SOX5: variants seen among roughly 807,000 people sequenced by gnomAD.
SOX5 encodes the protein SRY-box transcription factor 5.
SOX5 carries 9 observed loss-of-function variants against 92.0 expected under a neutral mutation model. That is an observed-to-expected ratio of 0.10 (90% CI 0.06 to 0.17). The LOEUF is 0.17. SOX5 is among the 10% of genes least tolerant of loss of function. SOX5 has a pLI of 1.00. For synonymous variants in SOX5, 344 were observed against 336.3 expected (o/e 1.02, Z -0.25); for missense variants, 642 against 944.5 (o/e 0.68, Z 4.20).
chr12:24,365,391 C>T (rs561260882), intron 2 of SOX5, among the ~76,000 whole-genome samples: 2 of 152,162 alleles, frequency 1.3e-5, no homozygotes, highest in East Asian at 3.9e-4. Flanking sequence ...GTGAGAGCTA[C>T]TCTTGTCTTC....
chr12:24,223,470 C>T (rs528932635), intron 3 of SOX5: 25 of 152,286 alleles, frequency 1.6e-4, no homozygotes, highest in African/African-American at 5.5e-4. Flanking sequence ...AAAGAAGTCC[C>T]AGGCCTGGCA....
chr12:23,971,729 G>C (rs1948364942), intron 4 of SOX5, among the ~76,000 whole-genome samples: 1 of 151,814 alleles, frequency 6.6e-6, no homozygotes, highest in Non-Finnish European at 1.5e-5. Flanking sequence ...ATGTGAACTA[G>C]AGTCCCTGTT....
intron 3 of SOX5, among the ~76,000 whole-genome samples, chr12:23,782,666 C>T (rs1246545392): frequency 6.6e-5 from 10 of 152,270 alleles, no homozygotes; most frequent in African/African-American, 1.4e-4. Flanking sequence ...TCTACTAACA[C>T]GCTTATCATG....
chr12:23,620,457 C>CTA (rs2077038976), intron 8 of SOX5, among the ~76,000 whole-genome samples: 1 of 151,944 alleles, frequency 6.6e-6, no homozygotes, highest in African/African-American at 2.4e-5. Context: ...CAGAATAAAT[C>CTA]TATATATATA....
intron 1 of SOX5, among the ~76,000 whole-genome samples, chr12:23,924,738 G>A (rs1267329996): frequency 6.6e-6 from 1 of 151,810 alleles, no homozygotes; most frequent in Non-Finnish European, 1.5e-5. Flanking sequence ...GCTTCGCGTT[G>A]GTTTTTCTTA....
intron 11 of SOX5, among the ~76,000 whole-genome samples, chr12:23,562,670 T>C (rs1317020885): frequency 6.6e-6 from 1 of 152,104 alleles, no homozygotes; most frequent in Non-Finnish European, 1.5e-5. Flanking sequence ...GGGCTTGAAA[T>C]CATTGTCTCT....
chr12:24,154,341 C>T (rs1373610346), intron 4 of SOX5, among the ~76,000 whole-genome samples: 1 of 152,118 alleles, frequency 6.6e-6, no homozygotes, highest in Admixed American at 6.6e-5. Flanking sequence ...CCATTACTGA[C>T]TATTATGAAG....
At chr12:23,645,821 A>G (rs1470288977) in intron 7 of SOX5, among the ~76,000 whole-genome samples, 3 of 152,342 alleles carry the variant, frequency 2.0e-5, no homozygotes, top group Non-Finnish European at 4.4e-5. Flanking sequence ...GTATGTGTAT[A>G]AATGTATATA....
chr12:23,812,535 T>G (rs1201951075), intron 3 of SOX5, among the ~76,000 whole-genome samples: 1 of 152,194 alleles, frequency 6.6e-6, no homozygotes, highest in East Asian at 1.9e-4. Flanking sequence ...TATTAGCTAT[T>G]AGATCTCTTT....
chr12:24,498,871 C>T (rs1467886036), intron 1 of SOX5, among the ~76,000 whole-genome samples: 2 of 152,152 alleles, frequency 1.3e-5, no homozygotes, highest in South Asian at 2.1e-4. Context: ...GCTGCAGGTA[C>T]TTGACCTTCC....
chr12:24,362,157 T>A (rs1166617911), intron 2 of SOX5, among the ~76,000 whole-genome samples: 1 of 152,246 alleles, frequency 6.6e-6, no homozygotes, highest in Non-Finnish European at 1.5e-5. Flanking sequence ...TATAGAGATA[T>A]GTGCATATGT....
intron 4 of SOX5, chr12:24,212,434 A>C (rs1958728375): frequency 1.9e-6 from 1 of 534,182 alleles, no homozygotes; most frequent in Non-Finnish European, 3.8e-6. Flanking sequence ...GTTGTTCTAC[A>C]GAAGACCTGG....
At chr12:24,095,420 C>CTTAT (rs146858914) in intron 4 of SOX5, among the ~76,000 whole-genome samples, 46,912 of 139,904 alleles carry the variant, frequency 0.34, 8,669 homozygotes, top group East Asian at 0.54. Flanking sequence ...TGCCCTCTCC[C>CTTAT]TTATTTATTT....
chr12:23,758,823 T>G (rs190733662), intron 3 of SOX5, among the ~76,000 whole-genome samples: 1 of 151,942 alleles, frequency 6.6e-6, no homozygotes, highest in African/African-American at 2.4e-5. Flanking sequence ...AGGGTACAAG[T>G]TCCATCTGTC....
At chr12:24,459,571 G>A (rs1174494874) in intron 1 of SOX5, among the ~76,000 whole-genome samples, 1 of 152,066 alleles carries the variant, frequency 6.6e-6, no homozygotes, top group African/African-American at 2.4e-5. Flanking sequence ...CAATCTAAAA[G>A]GAGAGATGAG....
At chr12:23,677,183 C>G (rs979077032) in intron 6 of SOX5, among the ~76,000 whole-genome samples, 4 of 152,034 alleles carry the variant, frequency 2.6e-5, no homozygotes, top group Non-Finnish European at 4.4e-5. Flanking sequence ...GATTCAATTT[C>G]CCCCCACCCT....
At chr12:23,921,312 C>A (rs144336490) in intron 1 of SOX5, among the ~76,000 whole-genome samples, 1 of 151,708 alleles carries the variant, frequency 6.6e-6, no homozygotes, top group Non-Finnish European at 1.5e-5. Flanking sequence ...GCACAATGTA[C>A]GCCCTATGAA....
intron 6 of SOX5, among the ~76,000 whole-genome samples, chr12:23,703,985 T>C (rs1360031466): frequency 2.0e-5 from 3 of 152,002 alleles, no homozygotes; most frequent in Non-Finnish European, 2.9e-5. Context: ...TAGAAATAGA[T>C]TGGGCACATG....
At position 23,534,384 on chromosome 12, in the gene SOX5, G is replaced by C. The variant is rs772080395; in HGVS notation, c.2127C>G (p.Ile709Met). 8 of 1,614,088 alleles carry C rather than the reference G, an allele frequency of 5.0e-6. No individual in the cohort carries two copies. The East Asian group carries it at 1.3e-4, about 27-fold the overall frequency. ...CTCCTTTCACACCGTAAGTGCTCTG[G>C]ATAACAGGCATCCCAGGCTCTGGGC... ...SSSPEPGMPV[I>M]QSTYGVKGEE... The change falls in exon 15 of 15, where the codon ATC (isoleucine) becomes ATG (methionine). Residue 709 changes from isoleucine to methionine, a missense_variant. Coordinates refer to ENST00000451604, the MANE Select transcript of SOX5 (RefSeq NM_006940.6).
Sources: gnomAD v4.1 joint callset for allele counts (sites outside exome capture counted in the v4.1 genomes callset) on GRCh38, gnomAD v4.1.1 for gene constraint, MANE v1.5 for transcripts, NCBI Gene and HGNC (gene_info 2026-07-23, HGNC 2026-07-21) for gene names.